Variants in GALNTL6 observed in about 807,000 individuals in gnomAD.
GALNTL6 encodes polypeptide N-acetylgalactosaminyltransferase like 6.
In GALNTL6, 46 loss-of-function variants were observed where a neutral mutation model predicts 73.7. The ratio of observed to expected loss-of-function variants is 0.62; its 90% CI spans 0.49 to 0.80. The LOEUF is 0.80. Ranked by LOEUF, GALNTL6 falls within the 30% of genes least tolerant of loss-of-function variation. The pLI, the probability that GALNTL6 is intolerant of heterozygous loss-of-function variation, is 0.00. For synonymous variants in GALNTL6, 259 were observed against 263.7 expected, an observed-to-expected ratio of 0.98 and a Z score of 0.17; for missense variants, 604 against 755.0, an observed-to-expected ratio of 0.80 and a Z score of 2.34.
At chr4:172,006,351 G>A (rs950695846) in intron 2 of GALNTL6, among the ~76,000 whole-genome samples, 4 of 152,154 alleles carry the variant, frequency 2.6e-5, no homozygotes, top group African/African-American at 9.7e-5. Context: ...GTGCAGGCTG[G>A]ACACGGTGGC....
chr4:172,599,864 C>T (rs1737990825), intron 5 of GALNTL6, among the ~76,000 whole-genome samples: 1 of 152,090 alleles, frequency 6.6e-6, no homozygotes, highest in South Asian at 2.1e-4. Flanking sequence ...TTCCCCCACT[C>T]TCATCCAGAT....
intron 5 of GALNTL6, among the ~76,000 whole-genome samples, chr4:172,379,457 GAAGCGGAGCTTGC>G (rs2111277823): frequency 6.7e-6 from 1 of 150,220 alleles, no homozygotes; most frequent in East Asian, 2.0e-4. Flanking sequence ...GTGAACCCGG[GAAGCGGAGCTTGC>G]AGTGAGCCGA....
chr4:172,226,574 TG>T (rs2110960222), intron 2 of GALNTL6, among the ~76,000 whole-genome samples: 1 of 71,324 alleles, frequency 1.4e-5, no homozygotes, highest in Non-Finnish European at 2.7e-5. Context: ...TGTGTGTGTG[TG>T]TGTGTCTGTG....
intron 9 of GALNTL6, among the ~76,000 whole-genome samples, chr4:172,950,909 C>T (rs535976722): frequency 6.6e-6 from 1 of 152,228 alleles, no homozygotes; most frequent in African/African-American, 2.4e-5. Context: ...GGACACCAGC[C>T]TATGAAAATG....
chr4:171,975,840 C>T (rs981698422), intron 2 of GALNTL6, among the ~76,000 whole-genome samples: 1 of 152,002 alleles, frequency 6.6e-6, no homozygotes, highest in Non-Finnish European at 1.5e-5. Context: ...TTCAAATTAT[C>T]AAAATTTTGA....
chr4:171,983,150 T>A (rs1348595349), intron 2 of GALNTL6, among the ~76,000 whole-genome samples: 1 of 152,224 alleles, frequency 6.6e-6, no homozygotes, highest in East Asian at 1.9e-4. Flanking sequence ...CGTATAGTTT[T>A]AGGCCTGCCT....
chr4:171,933,412 G>T (rs754187829), intron 2 of GALNTL6, among the ~76,000 whole-genome samples: 1 of 152,080 alleles, frequency 6.6e-6, no homozygotes, highest in Non-Finnish European at 1.5e-5. Flanking sequence ...ATAGACAAAT[G>T]AGTTTTAGTT....
intron 7 of GALNTL6, among the ~76,000 whole-genome samples, chr4:172,815,534 A>G (rs1741551949): frequency 6.6e-6 from 1 of 152,200 alleles, no homozygotes; most frequent in African/African-American, 2.4e-5. Flanking sequence ...TTGCACTGTG[A>G]TAGCAGAGTA....
At chr4:172,776,022 A>C (rs151018057) in intron 5 of GALNTL6, among the ~76,000 whole-genome samples, 228 of 152,214 alleles carry the variant, frequency 1.5e-3, no homozygotes, top group Middle Eastern at 6.8e-3. Flanking sequence ...CCTCTAGATG[A>C]AAATGGAGCC....
intron 2 of GALNTL6, among the ~76,000 whole-genome samples, chr4:172,161,585 CAAGAA>C (rs1214444649): frequency 6.6e-6 from 1 of 151,654 alleles, no homozygotes; most frequent in African/African-American, 2.4e-5. Context: ...TTAGAAGAGT[CAAGAA>C]AAGTATATAA....
intron 3 of GALNTL6, among the ~76,000 whole-genome samples, chr4:172,230,594 C>T (rs1351532895): frequency 6.6e-6 from 1 of 150,558 alleles, no homozygotes; most frequent in South Asian, 2.1e-4. Context: ...AAAAAAAAGA[C>T]AAAAAAGAAT....
chr4:171,829,155 A>C (rs476086), intron 2 of GALNTL6, among the ~76,000 whole-genome samples: 151,302 of 152,202 alleles, frequency 0.99, 75,212 homozygotes, highest in Middle Eastern at 1. Flanking sequence ...TTTCAATGGT[A>C]AACTGTACTA....
intron 2 of GALNTL6, among the ~76,000 whole-genome samples, chr4:172,066,358 T>G (rs1731364624): frequency 6.6e-6 from 1 of 152,172 alleles, no homozygotes; most frequent in East Asian, 1.9e-4. Flanking sequence ...TATGTAACTT[T>G]TTCAGATTGC....
At chr4:172,163,383 C>G (rs1734530620) in intron 2 of GALNTL6, among the ~76,000 whole-genome samples, 1 of 151,826 alleles carries the variant, frequency 6.6e-6, no homozygotes, top group African/African-American at 2.4e-5. Context: ...ATATACTGTA[C>G]AAACATAGAT....
At chr4:171,974,545 A>G (rs2111069707) in intron 2 of GALNTL6, among the ~76,000 whole-genome samples, 1 of 152,340 alleles carries the variant, frequency 6.6e-6, no homozygotes, top group South Asian at 2.1e-4. Flanking sequence ...TATTCAAAGA[A>G]TGATTTTCCA....
intron 5 of GALNTL6, among the ~76,000 whole-genome samples, chr4:172,405,829 CT>C (rs1482260858): frequency 6.6e-6 from 1 of 151,870 alleles, no homozygotes; most frequent in Non-Finnish European, 1.5e-5. Context: ...AAGATGCAGA[CT>C]TTTCTAGAAT....
intron 10 of GALNTL6, among the ~76,000 whole-genome samples, chr4:172,961,995 G>C (rs763669011): frequency 2.0e-5 from 3 of 152,232 alleles, no homozygotes; most frequent in Non-Finnish European, 2.9e-5. Context: ...AGTCCGAAAA[G>C]AGAGTCAGCA....
intron 7 of GALNTL6, among the ~76,000 whole-genome samples, chr4:172,864,881 C>G (rs896974460): frequency 5.9e-5 from 9 of 151,980 alleles, no homozygotes; most frequent in African/African-American, 2.2e-4. Context: ...TGGAAGGGGA[C>G]AGGTGTCAAC....
At chr4:172,558,001 A>C (rs1207625869) in intron 5 of GALNTL6, among the ~76,000 whole-genome samples, 1 of 152,216 alleles carries the variant, frequency 6.6e-6, no homozygotes, top group East Asian at 1.9e-4. Context: ...CCAAATGTCC[A>C]TCAACAGAAA....
Sources: gnomAD v4.1 joint callset for allele counts (sites outside exome capture counted in the v4.1 genomes callset) on GRCh38, gnomAD v4.1.1 for gene constraint, MANE v1.5 for transcripts, NCBI Gene and HGNC (gene_info 2026-07-23, HGNC 2026-07-21) for gene names.